The following ADRA1A variants were observed in gnomAD, a reference collection of about 807,000 sequenced individuals.
The protein encoded by ADRA1A is adrenoceptor alpha 1A.
ADRA1A carries 31 observed loss-of-function variants against 29.6 expected under a neutral mutation model. The observed-to-expected ratio is 1.05, with a 90% CI of 0.79 to 1.41. The LOEUF (loss-of-function observed/expected upper bound fraction) is 1.41. Among genes scored for constraint, ADRA1A ranks in the 40% most tolerant of loss-of-function variants. ADRA1A has a pLI of 0.00. For missense variants in ADRA1A, 619 were observed against 601.1 expected (o/e 1.03, Z -0.31); for synonymous variants, 311 against 254.3 (o/e 1.22, Z -2.12).
chr8:26,865,103 G>T lies in ADRA1A; in HGVS notation c.-134C>A. ...CCCTGCCAGGTGGGTTTGGCTGGGG[G>T]TGAGAGCGCGCGCGCGGGTGGGAAA... On this transcript the variant is annotated 5_prime_UTR_variant, in exon 2 of 3. Transcript: ENST00000380573. This position sits in a 1 kb window ranked among gnomAD's most constrained non-coding sequence, Gnocchi z 7.6. The T allele has an allele frequency of 6.0e-6, 9 of 1,490,840 alleles. No homozygotes were observed. The highest frequency in any genetic ancestry group is 8.0e-6 in the Non-Finnish European group (9 of 1,130,758). The allele number at this position is 1,490,840 out of a possible 1,614,324, so 92.4% of individuals were successfully genotyped here.
chr8:26,759,102 A>T (rs1324935463), intron 2 of ADRA1A, among the ~76,000 whole-genome samples: 1 of 152,200 alleles, frequency 6.6e-6, no homozygotes, highest in Non-Finnish European at 1.5e-5. Flanking sequence ...TGGAGAGTGA[A>T]TTGCTTGTGA....
downstream of ADRA1A, among the ~76,000 whole-genome samples, chr8:26,764,848 T>G (rs976618404): frequency 5.3e-5 from 8 of 152,230 alleles, no homozygotes; most frequent in Non-Finnish European, 1.2e-4. Context: ...GTGCCGTCAT[T>G]TTTTTCTCAA....
chr8:26,811,648 T>C (rs1585740136), intron 2 of ADRA1A, among the ~76,000 whole-genome samples: 1 of 151,482 alleles, frequency 6.6e-6, no homozygotes, highest in East Asian at 1.9e-4. Context: ...AAATTTCTTC[T>C]ATGTTTTAGA....
intron 2 of ADRA1A, among the ~76,000 whole-genome samples, chr8:26,814,455 T>C (rs1353047134): frequency 6.6e-6 from 1 of 152,126 alleles, no homozygotes; most frequent in African/African-American, 2.4e-5. Flanking sequence ...AGAGATGGGG[T>C]CTTGCTATGT....
chr8:26,824,818 A>G lies in ADRA1A; in HGVS notation c.883+39269T>C, dbSNP rs1220277443. Among the ~76,000 whole-genome samples, 3 of 152,248 alleles carry G rather than the reference A, an allele frequency of 2.0e-5. No homozygotes were observed. The East Asian group carries it at 5.8e-4, about 29-fold the overall frequency. The stretch of plus-strand genomic sequence containing the variant: ...GAGTGACTAATACCCAGAGACAGTC[A>G]CTTAAACACTAATTGCAGGAGAACA... On this transcript the variant is annotated intron_variant, in intron 2 of 2. Transcript: ENST00000380573.
downstream of ADRA1A, among the ~76,000 whole-genome samples, chr8:26,762,568 A>G (rs537572523): frequency 6.6e-5 from 10 of 152,176 alleles, no homozygotes; most frequent in Admixed American, 1.3e-4. This position sits in a 1 kb window ranked among gnomAD's most constrained non-coding sequence, Gnocchi z 4.0. Flanking sequence ...AAGTTTAGCA[A>G]GAAGGGGAGA....
chr8:26,788,884 C>T (rs1275639284), intron 2 of ADRA1A, among the ~76,000 whole-genome samples: 2 of 152,010 alleles, frequency 1.3e-5, no homozygotes, highest in African/African-American at 2.4e-5. Context: ...ATTTAGACAA[C>T]AAAACAAAGC....
intron 2 of ADRA1A, among the ~76,000 whole-genome samples, chr8:26,773,807 C>T (rs1806348776): frequency 6.6e-6 from 1 of 152,134 alleles, no homozygotes; most frequent in African/African-American, 2.4e-5. Flanking sequence ...TGGCCCTGCT[C>T]TTAATTCCAG....
downstream of ADRA1A, among the ~76,000 whole-genome samples, chr8:26,768,477 T>G (rs1805912655): frequency 2.6e-5 from 4 of 152,342 alleles, no homozygotes; most frequent in South Asian, 8.3e-4. Flanking sequence ...ATCTATAGCT[T>G]GAGCAGCCCT....
In ADRA1A at chr8:26,841,610, C is replaced by G. The variant is rs1287219089; in HGVS notation, c.883+22477G>C. Among the ~76,000 whole-genome samples, 1 of 152,156 alleles carries G rather than the reference C, an allele frequency of 6.6e-6. No homozygotes were observed. Among genetic ancestry groups the G allele is most frequent in the Non-Finnish European group, 1.5e-5 (1 of 68,040 alleles). On this transcript the variant is annotated intron_variant, in intron 2 of 2. Coordinates refer to ENST00000380573, the MANE Select transcript of ADRA1A (RefSeq NM_000680.4). This position sits in a 1 kb window ranked among gnomAD's most constrained non-coding sequence, Gnocchi z 4.4. ...CTCAGGTCCTGGCTCTGTTCCTCAC[C>G]TCCACTTTTATTTCCACATCCTCCA...
chr8:26,857,938 A>G (rs1340524764), intron 2 of ADRA1A, among the ~76,000 whole-genome samples: 1 of 152,138 alleles, frequency 6.6e-6, no homozygotes, highest in African/African-American at 2.4e-5. Context: ...GCAGGGATTT[A>G]TTTGTCTTTA....
chr8:26,756,546 A>T, exon 3 of ADRA1A: 1 of 1,543,700 alleles, frequency 6.5e-7, no homozygotes, highest in South Asian at 1.2e-5. Context: ...ATCATTCCTT[A>T]AGTTACTGTT....
chr8:26,806,405 G>A lies in ADRA1A; in HGVS notation c.884-35739C>T, dbSNP rs944736702. ...TTTATCCTGTTAATAGTGGCCTTAG[G>A]TAAGGAAAAAAAAAGAGCATGATTC... is the stretch of plus-strand genomic sequence containing the variant. On this transcript the variant is annotated intron_variant, in intron 2 of 2. Transcript: ENST00000380573. This position sits in a 1 kb window ranked among gnomAD's most constrained non-coding sequence, Gnocchi z 4.6. Among the ~76,000 whole-genome samples, 30 of 151,258 alleles carry A rather than the reference G, an allele frequency of 2.0e-4. No individual in the cohort carries two copies. The highest frequency in any genetic ancestry group is 5.1e-4 in the African/African-American group (21 of 41,188).
chr8:26,770,820 A>G (rs1806091948), intron 2 of ADRA1A, among the ~76,000 whole-genome samples, 154 bp from the exon 3 acceptor site: 1 of 152,186 alleles, frequency 6.6e-6, no homozygotes, highest in South Asian at 2.1e-4. Context: ...ACTAGCTCCT[A>G]TGACTGTCAC....
At chr8:26,809,427 C>T (rs1383832035) in intron 2 of ADRA1A, among the ~76,000 whole-genome samples, 3 of 152,072 alleles carry the variant, frequency 2.0e-5, no homozygotes, top group Admixed American at 2.0e-4. Flanking sequence ...AACCAGAACC[C>T]TGATTTCTCA....
chr8:26,770,797 T>C, intron 2 of ADRA1A, 131 bp from the exon 3 acceptor site: 1 of 1,326,554 alleles, frequency 7.5e-7, no homozygotes, highest in Non-Finnish European at 1.0e-6. Context: ...TATGAGTTTC[T>C]CACATTTGAC....
At chr8:26,834,194 A>G (rs1811187291) in intron 2 of ADRA1A, among the ~76,000 whole-genome samples, 1 of 152,260 alleles carries the variant, frequency 6.6e-6, no homozygotes, top group South Asian at 2.1e-4. Context: ...TAAGCAATGT[A>G]TACAATAAAC....
chr8:26,753,740 A>G (rs1490997562), downstream of ADRA1A, among the ~76,000 whole-genome samples: 1 of 152,180 alleles, frequency 6.6e-6, no homozygotes, highest in African/African-American at 2.4e-5. Flanking sequence ...GAAGACACCA[A>G]TTTTCTTTGC....
Position 26,769,784 on chromosome 8 carries a change from C to G in ADRA1A, c.*365G>C, listed in dbSNP as rs937191200. 1 of 1,005,832 alleles carries G rather than the reference C, an allele frequency of 9.9e-7. No homozygotes were observed. Among genetic ancestry groups the G allele is most frequent in the African/African-American group, 1.7e-5 (1 of 58,024 alleles). The allele number at this position is 1,005,832 out of a possible 1,614,324, so 62.3% of individuals were successfully genotyped here. On this transcript the variant is annotated 3_prime_UTR_variant, in exon 3 of 3. Transcript: ENST00000380573. ...ACTTCCATCAAGAAATAGCTCCAAA[C>G]TTAGAGTGTGTGCTCAAAATATTCA... is the stretch of plus-strand genomic sequence containing the variant.
Sources: gnomAD v4.1 joint callset for allele counts (sites outside exome capture counted in the v4.1 genomes callset) on GRCh38, gnomAD v4.1.1 for gene constraint, Gnocchi (gnomAD v3.1) non-coding constraint, MANE v1.5 for transcripts, NCBI Gene and HGNC (gene_info 2026-07-23, HGNC 2026-07-21) for gene names.